Variants in PTPN4 observed in about 807,000 individuals in gnomAD.
PTPN4 encodes protein tyrosine phosphatase non-receptor type 4.
Under a neutral mutation model 135.5 loss-of-function variants are expected in PTPN4, and 49 were observed. That is an observed-to-expected ratio of 0.36 (90% CI 0.29 to 0.46). The LOEUF is 0.46. Ranked by LOEUF, PTPN4 falls within the 20% of genes least tolerant of loss-of-function variation. The probability of loss-of-function intolerance (pLI) is 1.00; values close to 1 mark genes in which losing one functional copy is unlikely to be tolerated. For synonymous variants in PTPN4, 333 were observed against 369.9 expected (o/e 0.90, Z 1.14); for missense variants, 860 against 1,101.0 (o/e 0.78, Z 3.10).
At chr2:119,903,389 G>C (rs1418504532) in intron 10 of PTPN4, among the ~76,000 whole-genome samples, 1 of 151,952 alleles carries the variant, frequency 6.6e-6, no homozygotes, top group Non-Finnish European at 1.5e-5. Flanking sequence ...CATCCCAGCT[G>C]CTGGCACCTG....
chr2:119,780,066 T>G, intron 1 of PTPN4, among the ~76,000 whole-genome samples: 1 of 152,044 alleles, frequency 6.6e-6, no homozygotes, highest in East Asian at 1.9e-4. Context: ...TTTTTTTAAC[T>G]CTTTCCTCAC....
intron 10 of PTPN4, among the ~76,000 whole-genome samples, chr2:119,907,661 C>T (rs554353944): frequency 6.6e-6 from 1 of 152,036 alleles, no homozygotes; most frequent in African/African-American, 2.4e-5. Context: ...ATAGCCAAAA[C>T]AATACTGAGT....
intron 2 of PTPN4, among the ~76,000 whole-genome samples, chr2:119,838,244 G>C (rs1183878033): frequency 6.6e-6 from 1 of 151,648 alleles, no homozygotes; most frequent in Non-Finnish European, 1.5e-5. Flanking sequence ...GTAAGTTCAG[G>C]GGTACATGTG....
In PTPN4 at chr2:119,945,184, C is replaced by A; in HGVS notation, c.1459C>A (p.Leu487Ile). 6.3e-7 allele frequency: 1 copy of A among 1,593,788 alleles called. No homozygotes were observed. Among genetic ancestry groups the A allele is most frequent in the Non-Finnish European group, 8.5e-7 (1 of 1,171,434 alleles). The change falls in exon 16 of 27, where the codon CTA becomes ATA. Residue 487 changes from leucine (L) to isoleucine (I), a missense_variant. By Grantham distance (5) the Leu-to-Ile change is conservative. Transcript: ENST00000263708. Reference protein sequence around the residue: ...QIHYSHSQQDLESHINETFDI... With the variant: ...QIHYSHSQQDIESHINETFDI... ...TCATTATTCACATTCGCAACAAGATCTAGAAAGTCATATTAATGAAACATT... is the reference window on the plus strand; with the variant it reads ...TCATTATTCACATTCGCAACAAGATATAGAAAGTCATATTAATGAAACATT...
rs576981388 is a variant in PTPN4, at chr2:119,924,693, T to C, written c.1002-1905T>C. On this transcript the variant is annotated intron_variant, in intron 12 of 26. Transcript: ENST00000263708. ...TCTGTATTATGGACAATATGAAATA[T>C]AAGCCTTTCTTTCATTAATTTTAAA... 4.3e-4 allele frequency among the ~76,000 whole-genome samples: 64 copies of C among 149,950 alleles called. 1 individual carries two copies. Among genetic ancestry groups the C allele is most frequent in the Admixed American group, 1.4e-3 (21 of 15,072 alleles).
intron 15 of PTPN4, among the ~76,000 whole-genome samples, chr2:119,937,957 CAA>C (rs75089215): frequency 1.0e-4 from 13 of 130,008 alleles, no homozygotes; most frequent in Admixed American, 2.3e-4. Flanking sequence ...AAACCAAAAC[CAA>C]AAAAAAAAAA....
At chr2:119,851,580 G>C (rs954599088) in intron 2 of PTPN4, among the ~76,000 whole-genome samples, 1 of 152,178 alleles carries the variant, frequency 6.6e-6, no homozygotes, top group African/African-American at 2.4e-5. Context: ...GATTTAGGAA[G>C]TTTTATACAT....
intron 12 of PTPN4, among the ~76,000 whole-genome samples, chr2:119,922,810 AT>A (rs1424468836): frequency 6.6e-6 from 1 of 152,202 alleles, no homozygotes; most frequent in Non-Finnish European, 1.5e-5. Flanking sequence ...AGTCTTACTT[AT>A]AGGAAGGTTT....
intron 15 of PTPN4, 140 bp downstream of exon 15, chr2:119,935,098 C>T: frequency 1.0e-6 from 1 of 994,304 alleles, no homozygotes. Context: ...TGCAATTATG[C>T]TCATTTGTTC....
chr2:119,887,618 G>A (rs972936876), intron 9 of PTPN4, among the ~76,000 whole-genome samples: 4 of 152,120 alleles, frequency 2.6e-5, no homozygotes, highest in South Asian at 2.1e-4. Context: ...TCTCAGAACC[G>A]TTTATTGCAG....
At chr2:119,847,101 C>A (rs1677510329) in intron 2 of PTPN4, among the ~76,000 whole-genome samples, 1 of 149,722 alleles carries the variant, frequency 6.7e-6, no homozygotes, top group Admixed American at 6.7e-5. Context: ...ATTCACGTTA[C>A]CATCTGGTAT....
chr2:119,968,851 G>T (rs1387801045), intron 26 of PTPN4, among the ~76,000 whole-genome samples: 1 of 152,110 alleles, frequency 6.6e-6, no homozygotes, highest in African/African-American at 2.4e-5. Flanking sequence ...ACTTTTTAGT[G>T]CATTCTACAC....
At chr2:119,932,278 G>A (rs1332614874) in intron 13 of PTPN4, 146 bp from the exon 14 acceptor site, 4 of 689,484 alleles carry the variant, frequency 5.8e-6, no homozygotes, top group African/African-American at 3.7e-5. Context: ...TTGGTAAATA[G>A]CCTCTAAATG....
At chr2:119,861,684 T>C (rs150950260) in intron 2 of PTPN4, among the ~76,000 whole-genome samples, 1 of 152,362 alleles carries the variant, frequency 6.6e-6, no homozygotes, top group Non-Finnish European at 1.5e-5. Context: ...CATGTCATTA[T>C]AATTTCCCAT....
chr2:119,950,793 G>C (rs1157665565), intron 18 of PTPN4, among the ~76,000 whole-genome samples: 1 of 152,010 alleles, frequency 6.6e-6, no homozygotes, highest in East Asian at 1.9e-4. Context: ...CTTAATCGCT[G>C]TTTGTCTTCT....
chr2:119,921,330 G>A (rs754169478), intron 12 of PTPN4, among the ~76,000 whole-genome samples: 2 of 152,060 alleles, frequency 1.3e-5, no homozygotes, highest in African/African-American at 4.8e-5. Flanking sequence ...ACCATTATGT[G>A]TTAAGATTAA....
chr2:119,794,184 C>T (rs772524198), intron 1 of PTPN4, among the ~76,000 whole-genome samples: 2 of 151,960 alleles, frequency 1.3e-5, no homozygotes, highest in Admixed American at 6.6e-5. Flanking sequence ...GGTAAAGTAG[C>T]ATATAATAAG....
chr2:119,932,315 T>C, intron 13 of PTPN4, 109 bp from the exon 14 acceptor site: 1 of 1,117,258 alleles, frequency 9.0e-7, no homozygotes. Context: ...GTAAACTCTT[T>C]ATGTTGCTCA....
intron 3 of PTPN4, among the ~76,000 whole-genome samples, chr2:119,876,333 T>C (rs1677982088): frequency 6.6e-6 from 1 of 152,160 alleles, no homozygotes; most frequent in Admixed American, 6.5e-5. Context: ...TAAGAGGCGA[T>C]AGAGCTTAGA....
Sources: gnomAD v4.1 joint callset for allele counts (sites outside exome capture counted in the v4.1 genomes callset) on GRCh38, gnomAD v4.1.1 for gene constraint, MANE v1.5 for transcripts, NCBI Gene and HGNC (gene_info 2026-07-23, HGNC 2026-07-21) for gene names.